SEC61A1: variants seen among roughly 807,000 people sequenced by gnomAD.
SEC61A1 encodes protein transport protein Sec61 subunit alpha isoform 1.
Under a neutral mutation model 55.2 loss-of-function variants are expected in SEC61A1, and 15 were observed. That is an observed-to-expected ratio of 0.27 (90% CI 0.18 to 0.42). SEC61A1 has a LOEUF of 0.42. SEC61A1 is among the 10% of genes least tolerant of loss of function. The probability of loss-of-function intolerance (pLI) is 1.00; values close to 1 mark genes in which losing one functional copy is unlikely to be tolerated. For missense variants in SEC61A1, 284 were observed against 602.6 expected (o/e 0.47, Z 5.53); for synonymous variants, 247 against 234.0 (o/e 1.06, Z -0.51).
chr3:128,067,701 C>T lies in SEC61A1; in HGVS notation c.1167+89C>T. 9.1e-7 allele frequency: 1 copy of T among 1,094,958 alleles called. No homozygotes were observed. Among genetic ancestry groups the T allele is most frequent in the Non-Finnish European group, 1.3e-6 (1 of 751,682 alleles). The allele number at this position is 1,094,958 out of a possible 1,614,324, so 67.8% of individuals were successfully genotyped here. A position where few individuals can be genotyped will look rare whatever the true frequency, so the allele number is the denominator to read the frequency against. On this transcript the variant is annotated intron_variant, in intron 10 of 11. Transcript: ENST00000243253. This position sits in a 1 kb window ranked among gnomAD's most constrained non-coding sequence, Gnocchi z 4.1. ...TTGTCACCTCATCATAAATAATGGT[C>T]TGTGACGTGTGCAGATAGATCGTCG...
At chr3:128,059,237 G>A (rs1254812224) in intron 5 of SEC61A1, among the ~76,000 whole-genome samples, 1 of 152,142 alleles carries the variant, frequency 6.6e-6, no homozygotes, top group Non-Finnish European at 1.5e-5. Flanking sequence ...ACTTTGGGAG[G>A]CTGAGGTGGG....
rs569733873 is a variant in SEC61A1 at position 128,059,464 on chromosome 3, G to A, written c.353-638G>A. ...CTCCAGCCTGGGCGACAGAGACTCCGTCTCAAAAAAAAAAAAAAGGAAAGC... is the reference window on the plus strand; with the variant it reads ...CTCCAGCCTGGGCGACAGAGACTCCATCTCAAAAAAAAAAAAAAGGAAAGC... On this transcript the variant is annotated intron_variant, in intron 5 of 11. Coordinates refer to ENST00000243253, the MANE Select transcript of SEC61A1 (RefSeq NM_013336.4). Among the ~76,000 whole-genome samples the A allele has an allele frequency of 8.8e-5, 13 of 148,238 alleles. 1 individual carries two copies. The highest frequency in any genetic ancestry group is 7.9e-4 in the East Asian group (4 of 5,058).
chr3:128,063,905 T>A (rs1170668694), intron 7 of SEC61A1, among the ~76,000 whole-genome samples: 1 of 152,214 alleles, frequency 6.6e-6, no homozygotes, highest in East Asian at 1.9e-4. Flanking sequence ...CTCCCCGCCT[T>A]CCTCTCACTT....
At position 128,070,622 on chromosome 3, in the gene SEC61A1, G is replaced by A. The variant is rs899283676; in HGVS notation, c.*960G>A. The A allele has an allele frequency of 3.3e-5, 5 of 152,294 alleles. No individual in the cohort carries two copies. The highest frequency in any genetic ancestry group is 1.2e-4 in the African/African-American group (5 of 41,452). 9.4% of individuals were successfully genotyped at this position (152,294 alleles called of 1,614,324 possible). On this transcript the variant is annotated 3_prime_UTR_variant, in exon 12 of 12. Transcript: ENST00000243253. ...TTCAGAATTTTCTTACTGTGCTTAG[G>A]ACTGCACGCAAGTGAGCAGACACCA...
In SEC61A1 at chr3:128,067,049, C is replaced by T. The variant is rs756869274; in HGVS notation, c.873C>T (p.Ile291=). The T allele has an allele frequency of 2.5e-6, 4 of 1,614,226 alleles. No individual in the cohort carries two copies. Among genetic ancestry groups the T allele is most frequent in the East Asian group, 4.5e-5 (2 of 44,884 alleles). Residue 291 remains isoleucine (I), a synonymous_variant, in exon 9 of 12, where the codon ATC becomes ATT. Coordinates refer to ENST00000243253, the MANE Select transcript of SEC61A1 (RefSeq NM_013336.4). This position sits in a 1 kb window ranked among gnomAD's most constrained non-coding sequence, Gnocchi z 4.1. ...TCTTCTATACGTCCAACATCCCCAT[C>T]ATCCTGCAGTCTGCCCTGGTGTCCA... ...IKLFYTSNIP[I]ILQSALVSNL... is the part of the protein sequence containing the mutation.
chr3:128,068,455 A>G (rs1255015687), intron 11 of SEC61A1, among the ~76,000 whole-genome samples: 4 of 152,214 alleles, frequency 2.6e-5, no homozygotes, highest in Non-Finnish European at 4.4e-5. Context: ...AGGTCCTGGC[A>G]TCTGAGCGCA....
chr3:128,056,179 C>T (rs1280243162), intron 4 of SEC61A1, among the ~76,000 whole-genome samples: 3 of 152,102 alleles, frequency 2.0e-5, no homozygotes, highest in African/African-American at 4.8e-5. Context: ...TAACCAGTTA[C>T]TTATGGGACT....
Position 128,060,513 on chromosome 3 carries a change from T to C in SEC61A1, c.468T>C (p.Phe156=), listed in dbSNP as rs150297407. The change falls in exon 7 of 12, where the codon TTT becomes TTC. Residue 156 remains phenylalanine, a synonymous_variant. Transcript: ENST00000243253. ...GICLLITIQL[F]VAGLIVLLLD... ...GTATTTTTGAATTTTTACAGCTCTT[T>C]GTTGCTGGCTTAATTGTCCTACTTT... 497 of 1,614,182 alleles carry C rather than the reference T, an allele frequency of 3.1e-4. 2 individuals are homozygous for C. The African/African-American group carries it at 5.6e-3, about 18-fold the overall frequency.
intron 5 of SEC61A1, among the ~76,000 whole-genome samples, chr3:128,059,316 AC>A (rs1410690456): frequency 8.5e-5 from 13 of 152,142 alleles, no homozygotes; most frequent in Non-Finnish European, 1.3e-4. Context: ...CACTAAAAAT[AC>A]AAAAAATTAG....
At chr3:128,055,023 T>C (rs1159148796) in intron 2 of SEC61A1, among the ~76,000 whole-genome samples, 1 of 152,204 alleles carries the variant, frequency 6.6e-6, no homozygotes, top group Non-Finnish European at 1.5e-5. Flanking sequence ...CCTTAATTCA[T>C]AGAAAATACA....
At position 128,059,976 on chromosome 3, in the gene SEC61A1, G is replaced by A. The variant is rs149053779; in HGVS notation, c.353-126G>A. 3.5e-3 allele frequency: 2,365 copies of A among 674,534 alleles called. 29 individuals are homozygous for A. Among genetic ancestry groups the A allele is most frequent in the East Asian group, 0.013 (498 of 38,772 alleles). The allele number at this position is 674,534 out of a possible 1,614,324, so 41.8% of individuals were successfully genotyped here. A position where few individuals can be genotyped will look rare whatever the true frequency, so the allele number is the denominator to read the frequency against. ...AGCGCGTTCTCAGCCGAGCCCCTTG[G>A]AGGTAGTATCACTGCTCTTCATCTT... On this transcript the variant is annotated intron_variant, in intron 5 of 11. Coordinates refer to ENST00000243253, the MANE Select transcript of SEC61A1 (RefSeq NM_013336.4).
At chr3:128,056,910 C>G (rs1576419628) in intron 5 of SEC61A1, 70 bp downstream of exon 5, 1 of 1,207,330 alleles carries the variant, frequency 8.3e-7, no homozygotes, top group Non-Finnish European at 1.1e-6. Flanking sequence ...ATTTTGGTAT[C>G]AGTTTTTCTT....
chr3:128,064,360 G>A (rs1475580289), intron 7 of SEC61A1, among the ~76,000 whole-genome samples: 2 of 152,192 alleles, frequency 1.3e-5, no homozygotes, highest in African/African-American at 4.8e-5. Flanking sequence ...TGGAATAGTG[G>A]TTGGGTGCTG....
At chr3:128,052,301 A>C (rs1323584901), upstream of SEC61A1, 3 of 297,270 alleles carry the variant, frequency 1.0e-5, no homozygotes, top group Non-Finnish European at 1.5e-5. Context: ...CCGGGGCTTG[A>C]GGTCTCGGCG....
chr3:128,060,109 C>T lies in SEC61A1; in HGVS notation c.360C>T (p.Gly120=), dbSNP rs1559795637. The change falls in exon 6 of 12, where the codon GGC becomes GGT. Residue 120 remains glycine, a synonymous_variant. Coordinates refer to ENST00000243253, the MANE Select transcript of SEC61A1 (RefSeq NM_013336.4). The part of the protein sequence containing the change: ...ALFNGAQKLF[G]MIITIGQSIV... Reference sequence around the variant, plus strand: ...TCTTTCTTTCAATTCTAGTATTTGGCATGATCATTACTATCGGCCAGTCTA... The same window carrying T: ...TCTTTCTTTCAATTCTAGTATTTGGTATGATCATTACTATCGGCCAGTCTA... 3 of 1,611,442 alleles carry T rather than the reference C, an allele frequency of 1.9e-6. No individual in the cohort carries two copies. Among genetic ancestry groups the T allele is most frequent in the East Asian group, 2.2e-5 (1 of 44,860 alleles).
At position 128,071,323 on chromosome 3, in the gene SEC61A1, A is replaced by C. The variant is rs937612209; in HGVS notation, c.*1661A>C. 6.6e-6 allele frequency: 1 copy of C among 152,494 alleles called. No homozygotes were observed. The highest frequency in any genetic ancestry group is 1.5e-5 in the Non-Finnish European group (1 of 68,196). 9.4% of individuals were successfully genotyped at this position (152,494 alleles called of 1,614,324 possible). On this transcript the variant is annotated 3_prime_UTR_variant, in exon 12 of 12. Transcript: ENST00000243253. ...GCAGGGGAGAGGCTCTTGAGACCTG[A>C]TGCCCTCCTACCCACATGGTTCTCC...
rs2107651595 is a variant in SEC61A1 at position 128,067,433 on chromosome 3, G to A, written c.988G>A (p.Gly330Arg). The change falls in exon 10 of 12, where the codon GGG becomes AGG. Residue 330 changes from glycine to arginine, a missense_variant. Physicochemically the swap from Gly to Arg is moderately radical, Grantham distance 125. Coordinates refer to ENST00000243253, the MANE Select transcript of SEC61A1 (RefSeq NM_013336.4). This position sits in a 1 kb window ranked among gnomAD's most constrained non-coding sequence, Gnocchi z 4.1. ...TCTTCTTCCCCAGGACACGTCTTCT[G>A]GGGGCCCAGCACGTGCTTATCCAGT... ...LLGTWSDTSS[G>R]GPARAYPVGG... 1.2e-6 allele frequency: 2 copies of A among 1,611,790 alleles called. No homozygotes were observed.
intron 2 of SEC61A1, among the ~76,000 whole-genome samples, chr3:128,053,474 T>C (rs1941721644): frequency 6.6e-6 from 1 of 152,208 alleles, no homozygotes. Flanking sequence ...TCAGAAATTG[T>C]GTGGAGTGAG....
upstream of SEC61A1, chr3:128,052,431 A>G: frequency 2.2e-6 from 3 of 1,342,352 alleles, no homozygotes; most frequent in Non-Finnish European, 2.9e-6. Context: ...CCGCCGGGCT[A>G]GCACTGACGT....
Sources: gnomAD v4.1 joint callset for allele counts (sites outside exome capture counted in the v4.1 genomes callset) on GRCh38, gnomAD v4.1.1 for gene constraint, Gnocchi (gnomAD v3.1) non-coding constraint, MANE v1.5 for transcripts, NCBI Gene and HGNC (gene_info 2026-07-23, HGNC 2026-07-21) for gene names.